The following PKIG variants were observed in gnomAD, a reference collection of about 807,000 sequenced individuals.
PKIG encodes the protein protein kinase (cAMP-dependent, catalytic) inhibitor gamma.
A neutral mutation model predicts 6.8 loss-of-function variants in PKIG; 1 was observed. The observed-to-expected ratio is 0.15, with a 90% CI of 0.05 to 0.69. The LOEUF is 0.69. Among genes scored for constraint, PKIG ranks in the 30% least tolerant of loss-of-function variants. The pLI, the probability that PKIG is intolerant of heterozygous loss-of-function variation, is 0.82. For missense variants in PKIG, 77 were observed against 104.0 expected, an observed-to-expected ratio of 0.74 and a Z score of 1.13; for synonymous variants, 39 against 43.0, an observed-to-expected ratio of 0.91 and a Z score of 0.36.
chr20:44,546,862 G>C (rs535409764), intron 1 of PKIG, among the ~76,000 whole-genome samples: 1 of 152,024 alleles, frequency 6.6e-6, no homozygotes, highest in Non-Finnish European at 1.5e-5. Context: ...GCCCCTCACT[G>C]ATTTTAAATA....
chr20:44,587,964 T>C (rs145847098), intron 1 of PKIG, among the ~76,000 whole-genome samples: 136 of 152,232 alleles, frequency 8.9e-4, no homozygotes, highest in African/African-American at 3.2e-3. Context: ...TTATGCAAGG[T>C]GCGGTGGGGA....
intron 1 of PKIG, among the ~76,000 whole-genome samples, chr20:44,572,070 C>T (rs1026279498): frequency 2.5e-4 from 38 of 152,258 alleles, no homozygotes; most frequent in African/African-American, 9.2e-4. Flanking sequence ...GTGGCACAAT[C>T]TCAGCTCATT....
chr20:44,570,926 C>G (rs1055756619), intron 1 of PKIG, among the ~76,000 whole-genome samples: 19 of 152,114 alleles, frequency 1.2e-4, no homozygotes, highest in African/African-American at 4.6e-4. Flanking sequence ...GAAATAAAAA[C>G]ATGGGATCAA....
At chr20:44,557,514 A>G (rs923027067) in intron 1 of PKIG, among the ~76,000 whole-genome samples, 226 of 118,192 alleles carry the variant, frequency 1.9e-3, no homozygotes, top group African/African-American at 8.0e-3. Context: ...GACAGGTGAC[A>G]GGTGACAAAA....
At chr20:44,548,532 C>G (rs556626772) in intron 1 of PKIG, among the ~76,000 whole-genome samples, 3 of 152,040 alleles carry the variant, frequency 2.0e-5, no homozygotes, top group Non-Finnish European at 4.4e-5. Flanking sequence ...TACTTATCAA[C>G]CAAGTTGATA....
chr20:44,617,263 C>T (rs1600909047), intron 3 of PKIG, among the ~76,000 whole-genome samples: 1 of 152,230 alleles, frequency 6.6e-6, no homozygotes, highest in Middle Eastern at 3.4e-3. Context: ...TGAACTCAGG[C>T]CCTCAGTGAG....
chr20:44,568,639 C>T (rs148369406), intron 1 of PKIG, among the ~76,000 whole-genome samples: 103 of 152,150 alleles, frequency 6.8e-4, no homozygotes, highest in African/African-American at 2.4e-3. Context: ...TTAGTAGAGA[C>T]GGCGTTTCAC....
intron 2 of PKIG, among the ~76,000 whole-genome samples, chr20:44,603,296 C>A (rs2065137319): frequency 1.3e-5 from 2 of 152,170 alleles, no homozygotes. Context: ...CCATCCTAAT[C>A]ATTTATTAAT....
chr20:44,575,949 A>G (rs540737953), intron 1 of PKIG, among the ~76,000 whole-genome samples: 1 of 152,068 alleles, frequency 6.6e-6, no homozygotes, highest in South Asian at 2.1e-4. Context: ...CTCATTTCCA[A>G]TGGTGCTTTC....
At chr20:44,568,177 C>G (rs542980777) in intron 1 of PKIG, among the ~76,000 whole-genome samples, 1 of 152,234 alleles carries the variant, frequency 6.6e-6, no homozygotes, top group African/African-American at 2.4e-5. Context: ...ATAAATGTCT[C>G]TCTCATTTAT....
chr20:44,543,914 A>C (rs933365750), intron 1 of PKIG, among the ~76,000 whole-genome samples: 2 of 152,076 alleles, frequency 1.3e-5, no homozygotes, highest in Non-Finnish European at 2.9e-5. Flanking sequence ...AATACAAAAA[A>C]TTAGCCGTGT....
At chr20:44,574,658 C>A (rs997762809) in intron 1 of PKIG, among the ~76,000 whole-genome samples, 1 of 152,136 alleles carries the variant, frequency 6.6e-6, no homozygotes, top group Non-Finnish European at 1.5e-5. Flanking sequence ...ACTGCTACCT[C>A]CACCTCCCTG....
At chr20:44,580,074 AT>A (rs1213382933), upstream of PKIG, among the ~76,000 whole-genome samples, 10 of 152,176 alleles carry the variant, frequency 6.6e-5, no homozygotes, top group Admixed American at 6.5e-4. Flanking sequence ...ACTTTCTTTC[AT>A]TGTCACATCA....
At chr20:44,575,244 G>A (rs931049926) in intron 1 of PKIG, among the ~76,000 whole-genome samples, 5 of 152,026 alleles carry the variant, frequency 3.3e-5, no homozygotes, top group Non-Finnish European at 7.4e-5. Context: ...TTTTTGAGAC[G>A]GAGGCTGGCC....
chr20:44,571,184 A>C (rs962046968), intron 1 of PKIG, among the ~76,000 whole-genome samples: 1 of 152,114 alleles, frequency 6.6e-6, no homozygotes, highest in Non-Finnish European at 1.5e-5. Context: ...CAGTGAGCTG[A>C]GATCGTGCTC....
intron 1 of PKIG, among the ~76,000 whole-genome samples, chr20:44,543,442 C>T (rs552266274): frequency 6.6e-6 from 1 of 152,156 alleles, no homozygotes; most frequent in Non-Finnish European, 1.5e-5. Context: ...ATTTTGAAGA[C>T]CGCATGCCCT....
intron 1 of PKIG, among the ~76,000 whole-genome samples, chr20:44,588,654 A>G (rs1157210477): frequency 2.6e-5 from 4 of 151,792 alleles, no homozygotes; most frequent in Non-Finnish European, 5.9e-5. Context: ...AAAAAAAAAG[A>G]AATGGAGTCA....
chr20:44,590,954 T>C (rs955194256), intron 2 of PKIG, among the ~76,000 whole-genome samples: 11 of 152,192 alleles, frequency 7.2e-5, no homozygotes, highest in Non-Finnish European at 1.3e-4. Context: ...CCAGGAAAAG[T>C]TTTTTTCATT....
At chr20:44,604,253 T>TA (rs2065145521) in intron 2 of PKIG, among the ~76,000 whole-genome samples, 2 of 152,250 alleles carry the variant, frequency 1.3e-5, no homozygotes, top group Admixed American at 6.5e-5. Context: ...AGGCATGAGT[T>TA]ACGGGTAATA....
Sources: gnomAD v4.1 joint callset for allele counts (sites outside exome capture counted in the v4.1 genomes callset) on GRCh38, gnomAD v4.1.1 for gene constraint, MANE v1.5 for transcripts, NCBI Gene and HGNC (gene_info 2026-07-23, HGNC 2026-07-21) for gene names.